GSE1: variants seen among roughly 807,000 people sequenced by gnomAD.
GSE1 encodes the protein genetic suppressor element 1.
GSE1 carries 32 observed loss-of-function variants against 112.6 expected under a neutral mutation model. The ratio of observed to expected loss-of-function variants is 0.28; its 90% CI spans 0.21 to 0.38. The LOEUF is 0.38. Among genes scored for constraint, GSE1 ranks in the 10% least tolerant of loss-of-function variants. The pLI is 1.00. For synonymous variants in GSE1, 1,115 were observed against 735.6 expected (o/e 1.52, Z -8.35); for missense variants, 2,348 against 1,699.2 (o/e 1.38, Z -6.71).
chr16:85,342,855 C>T (rs909636335), intron 1 of GSE1, among the ~76,000 whole-genome samples: 9 of 151,216 alleles, frequency 6.0e-5, no homozygotes, highest in South Asian at 2.1e-4. Context: ...CCCTTTTCAG[C>T]GGCACCCCCT....
intron 2 of GSE1, among the ~76,000 whole-genome samples, chr16:85,641,557 A>G (rs1183791233): frequency 6.6e-6 from 1 of 152,222 alleles, no homozygotes; most frequent in Non-Finnish European, 1.5e-5. Flanking sequence ...CCTGGAACGC[A>G]GGGGGTCGCG....
intron 3 of GSE1, among the ~76,000 whole-genome samples, chr16:85,652,940 T>C (rs1030242205): frequency 6.6e-6 from 1 of 151,760 alleles, no homozygotes; most frequent in Non-Finnish European, 1.5e-5. Flanking sequence ...TTACCTGACA[T>C]GGCCAGATGG....
intron 2 of GSE1, among the ~76,000 whole-genome samples, chr16:85,455,734 T>G (rs1302936485): frequency 6.6e-6 from 1 of 152,108 alleles, no homozygotes; most frequent in East Asian, 1.9e-4. Flanking sequence ...CATTGGGGAG[T>G]TCTGCTCTCA....
At chr16:85,382,855 TGCACACACA>T (rs2047582182) in intron 2 of GSE1, among the ~76,000 whole-genome samples, 1 of 150,862 alleles carries the variant, frequency 6.6e-6, no homozygotes, top group East Asian at 2.0e-4. Context: ...TGCATACATG[TGCACACACA>T]GCACACATGC....
chr16:85,649,247 C>G (rs1379005638), intron 3 of GSE1, among the ~76,000 whole-genome samples: 1 of 152,156 alleles, frequency 6.6e-6, no homozygotes, highest in Non-Finnish European at 1.5e-5. Flanking sequence ...CAGTTCCGTT[C>G]TGAGGCCCTG....
chr16:85,501,596 T>C (rs1273729943), intron 2 of GSE1, among the ~76,000 whole-genome samples: 2 of 151,988 alleles, frequency 1.3e-5, no homozygotes, highest in African/African-American at 4.8e-5. Flanking sequence ...GGTTTCGCTA[T>C]GTTGCCCAGG....
intron 1 of GSE1, among the ~76,000 whole-genome samples, chr16:85,327,949 C>T (rs1275999307): frequency 1.3e-5 from 2 of 152,088 alleles, no homozygotes; most frequent in African/African-American, 2.4e-5. Flanking sequence ...TGCCCTGGTG[C>T]CCCCCACCCC....
chr16:85,423,950 GTGAGGCCAC>G (rs140831839), intron 2 of GSE1, among the ~76,000 whole-genome samples: 1,606 of 152,320 alleles, frequency 0.011, 12 homozygotes, highest in Middle Eastern at 0.034. Flanking sequence ...AAGGAGTGAC[GTGAGGCCAC>G]TTCCTGGAGG....
At position 85,583,262 on chromosome 16, in the gene GSE1, C is replaced by CT. The variant is rs1234020858; in HGVS notation, c.37+26900dup. On this transcript the variant is annotated intron_variant, in intron 1 of 2. Coordinates refer to the GSE1 transcript ENST00000635906. ...CTAGGATCCCCAGGGAGTGAGCTGT[C>CT]TGCCCAGGCAGACCTGGCCATGTGT... is the stretch of plus-strand genomic sequence containing the variant. 2.0e-5 allele frequency: 3 copies of CT among 152,324 alleles called. No individual in the cohort carries two copies. The East Asian group carries it at 5.8e-4, about 29-fold the overall frequency. The allele number at this position is 152,324 out of a possible 1,614,324, so 9.4% of individuals were successfully genotyped here. A position where few individuals can be genotyped will look rare whatever the true frequency, so the allele number is the denominator to read the frequency against.
chr16:85,613,482 G>A (rs999111121), intron 1 of GSE1, 84 bp downstream of exon 1: 1 of 1,273,368 alleles, frequency 7.9e-7, no homozygotes, highest in East Asian at 3.0e-5. Context: ...CGGGTTTCGC[G>A]GGGGCGGCCG....
chr16:85,411,812 G>A (rs1424817985), intron 2 of GSE1, among the ~76,000 whole-genome samples: 1 of 10,378 alleles, frequency 9.6e-5, no homozygotes, highest in East Asian at 1.5e-3. Context: ...CAGGCCTCCC[G>A]GATAATCCTC....
At chr16:85,478,287 G>T (rs1020843699) in intron 2 of GSE1, among the ~76,000 whole-genome samples, 3 of 152,090 alleles carry the variant, frequency 2.0e-5, no homozygotes, top group African/African-American at 7.2e-5. Flanking sequence ...AGCACCTTGG[G>T]AGGCCGAGGC....
intron 1 of GSE1, among the ~76,000 whole-genome samples, chr16:85,257,233 C>T (rs375250358): frequency 2.6e-5 from 4 of 152,148 alleles, no homozygotes; most frequent in East Asian, 1.9e-4. Context: ...TTCATCCTCC[C>T]GAATAGCTGG....
intron 2 of GSE1, among the ~76,000 whole-genome samples, chr16:85,400,299 TTC>T (rs1199015823): frequency 1.4e-5 from 2 of 147,976 alleles, no homozygotes; most frequent in Non-Finnish European, 3.0e-5. Flanking sequence ...GTGTGTGTGT[TTC>T]TGTGTATGAT....
At chr16:85,331,375 A>ATATATATGCG (rs2046344548) in intron 1 of GSE1, among the ~76,000 whole-genome samples, 1 of 134,396 alleles carries the variant, frequency 7.4e-6, no homozygotes, top group African/African-American at 2.7e-5. Context: ...GTATATATGT[A>ATATATATGCG]TATATATGTA....
At chr16:85,557,530 G>T (rs1175807137) in intron 1 of GSE1, among the ~76,000 whole-genome samples, 1 of 151,714 alleles carries the variant, frequency 6.6e-6, no homozygotes, top group African/African-American at 2.4e-5. Flanking sequence ...GAATTGTTTT[G>T]CTGGGGAAGG....
At chr16:85,631,925 G>A (rs554871495) in intron 1 of GSE1, among the ~76,000 whole-genome samples, 171 of 152,368 alleles carry the variant, frequency 1.1e-3, no homozygotes, top group African/African-American at 3.9e-3. Context: ...AGCCCGGTGC[G>A]GGGGACACGC....
At chr16:85,190,420 C>T (rs2074797307) in intron 1 of GSE1, among the ~76,000 whole-genome samples, 1 of 152,170 alleles carries the variant, frequency 6.6e-6, no homozygotes, top group Non-Finnish European at 1.5e-5. Flanking sequence ...ACAAAGTATC[C>T]ACCATTTAAA....
At chr16:85,493,727 T>G (rs923327550) in intron 2 of GSE1, among the ~76,000 whole-genome samples, 1 of 142,836 alleles carries the variant, frequency 7.0e-6, no homozygotes, top group African/African-American at 2.6e-5. Flanking sequence ...GAGGTAGAGG[T>G]TGTGGTAAGC....
Sources: allele counts gnomAD v4.1 joint callset (sites outside exome capture counted in the v4.1 genomes callset), GRCh38; gene constraint gnomAD v4.1.1; transcripts MANE v1.5; gene names NCBI Gene and HGNC (gene_info 2026-07-23, HGNC 2026-07-21).